Variants in NAT10 observed in about 807,000 individuals in gnomAD.
NAT10 encodes the protein RNA cytidine acetyltransferase.
In NAT10, 109 loss-of-function variants were observed where a neutral mutation model predicts 132.2. That is an observed-to-expected ratio of 0.82 (90% CI 0.71 to 0.97). NAT10 has a LOEUF of 0.97. Ranked by LOEUF, NAT10 falls within the 50% of genes least tolerant of loss-of-function variation. The probability of loss-of-function intolerance (pLI) is 0.00; values close to 1 mark genes in which losing one functional copy is unlikely to be tolerated. For missense variants in NAT10, 1,184 were observed against 1,263.4 expected, an observed-to-expected ratio of 0.94 and a Z score of 0.95; for synonymous variants, 479 against 478.0, an observed-to-expected ratio of 1.00 and a Z score of -0.03.
intron 3 of NAT10, among the ~76,000 whole-genome samples, chr11:34,109,308 C>T (rs1039421555): frequency 2.0e-5 from 3 of 152,172 alleles, no homozygotes; most frequent in Non-Finnish European, 4.4e-5. Context: ...AAACTTTCTC[C>T]TTCCTGTAAA....
intron 21 of NAT10, 179 bp from the exon 22 acceptor site, chr11:34,139,012 T>G: frequency 1.7e-6 from 1 of 585,898 alleles, no homozygotes; most frequent in Non-Finnish European, 3.1e-6. Context: ...TGAACTGAGG[T>G]GATATGAGGA....
chr11:34,145,202 ATTTG>A (rs1016348974), intron 28 of NAT10, among the ~76,000 whole-genome samples: 26 of 152,288 alleles, frequency 1.7e-4, no homozygotes, highest in African/African-American at 6.0e-4. Flanking sequence ...CTTTCCTGCC[ATTTG>A]TTTGGCCATT....
chr11:34,121,000 C>T (rs1220459578), intron 8 of NAT10, among the ~76,000 whole-genome samples: 1 of 152,098 alleles, frequency 6.6e-6, no homozygotes, highest in Non-Finnish European at 1.5e-5. Flanking sequence ...GGTGTCCCTC[C>T]GGTGTCCTAG....
At position 34,120,635 on chromosome 11, in the gene NAT10, C is replaced by T. The variant is rs534072744; in HGVS notation, c.781-1824C>T. On this transcript the variant is annotated intron_variant, in intron 8 of 28. Transcript: ENST00000257829. ...CTGGCATCTTGCTTTTACTTCTAGG[C>T]GCTCCTGTAGGCACTGGGGGCCCAG... is the stretch of plus-strand genomic sequence containing the variant. Among the ~76,000 whole-genome samples the T allele has an allele frequency of 2.3e-3, 348 of 152,330 alleles. 1 individual carries two copies. The highest frequency in any genetic ancestry group is 0.014 in the Middle Eastern group (4 of 294).
In NAT10 at chr11:34,140,401, C is replaced by T. The variant is rs73500465; in HGVS notation, c.2421C>T (p.Ala807=). The T allele has an allele frequency of 6.2e-7, 1 of 1,613,274 alleles. No individual in the cohort carries two copies. Among genetic ancestry groups the T allele is most frequent in the South Asian group, 1.1e-5 (1 of 91,050 alleles). ...TCTAGCTCTCTATCCCATGGACAGC[C>T]CTGAGCCGGGAGGAGCTGGAAGCAC... The part of the protein sequence containing the change: ...NRNMGKPAQP[A]LSREELEALF... Residue 807 remains alanine, a splice_region_variant and synonymous_variant, in exon 24 of 29, where the codon GCC becomes GCT. Transcript: ENST00000257829.
intron 21 of NAT10, chr11:34,138,825 G>T (rs1003898330): frequency 5.0e-6 from 1 of 198,474 alleles, no homozygotes; most frequent in Admixed American, 5.3e-5. Flanking sequence ...CATGTTGACT[G>T]GATTGTGTGG....
rs998705258 is a variant in NAT10, at chr11:34,120,942, C to T, written c.781-1517C>T. On this transcript the variant is annotated intron_variant, in intron 8 of 28. Coordinates refer to ENST00000257829, the MANE Select transcript of NAT10 (RefSeq NM_024662.3). Reference sequence around the variant, plus strand: ...AACAAGCCCTGTGGCTCTTGGGGAGCCACTGCTTCAGGCAGAGGAAGCAGC... The same window carrying T: ...AACAAGCCCTGTGGCTCTTGGGGAGTCACTGCTTCAGGCAGAGGAAGCAGC... Among the ~76,000 whole-genome samples, 21 of 152,094 alleles carry T rather than the reference C, an allele frequency of 1.4e-4. 1 individual carries two copies. The highest frequency in any genetic ancestry group is 6.5e-5 in the Admixed American group (1 of 15,274).
intron 8 of NAT10, 72 bp from the exon 9 acceptor site, chr11:34,122,387 A>T: frequency 6.3e-7 from 1 of 1,592,932 alleles, no homozygotes; most frequent in Non-Finnish European, 8.6e-7. Context: ...TCACTTCTCC[A>T]CAGTGATGGT....
chr11:34,132,085 G>A lies in NAT10; in HGVS notation c.1521-40G>A, dbSNP rs1228040267. ...CCAGAGAGTAGTATGACCTGTCTTC[G>A]GCTATTTGTTTTGTTTTGGTTTCTT... is the stretch of plus-strand genomic sequence containing the variant. On this transcript the variant is annotated intron_variant, in intron 14 of 28. Coordinates refer to ENST00000257829, the MANE Select transcript of NAT10 (RefSeq NM_024662.3). 4.1e-6 allele frequency: 6 copies of A among 1,460,710 alleles called. No homozygotes were observed. In the Admixed American group the frequency reaches 5.0e-5, roughly 12 times the overall value. The allele number at this position is 1,460,710 out of a possible 1,614,324, so 90.5% of individuals were successfully genotyped here. A position where few individuals can be genotyped will look rare whatever the true frequency, so the allele number is the denominator to read the frequency against.
At chr11:34,119,830 G>A (rs1299576072) in intron 8 of NAT10, among the ~76,000 whole-genome samples, 1 of 152,156 alleles carries the variant, frequency 6.6e-6, no homozygotes, top group Non-Finnish European at 1.5e-5. Flanking sequence ...GTGCTCTTAG[G>A]GGATTCTTAC....
In NAT10 at chr11:34,130,829, C is replaced by T. The variant is rs757454002; in HGVS notation, c.1261C>T (p.Arg421Trp). Residue 421 changes from arginine (R) to tryptophan (W), a missense_variant, in exon 13 of 29, where the codon CGG becomes TGG. By Grantham distance (101) the Arg-to-Trp change is moderately radical (BLOSUM62 -3). Transcript: ENST00000257829. ...TGTTTCTAGCTATGAGGGCACTGGC[C>T]GGTCACTGTCCCTCAAGCTAATTCA... ...STINGYEGTG[R>W]SLSLKLIQQL... 1.1e-5 allele frequency: 18 copies of T among 1,613,978 alleles called. No individual in the cohort carries two copies. The highest frequency in any genetic ancestry group is 4.5e-5 in the East Asian group (2 of 44,896).
At chr11:34,114,963 G>A (rs1304213830) in intron 5 of NAT10, among the ~76,000 whole-genome samples, 1 of 152,090 alleles carries the variant, frequency 6.6e-6, no homozygotes, top group African/African-American at 2.4e-5. Context: ...GACCAGCCTG[G>A]CCAACATGGT....
chr11:34,133,137 A>G lies in NAT10; in HGVS notation c.1729A>G (p.Ile577Val). The G allele has an allele frequency of 6.2e-7, 1 of 1,610,914 alleles. No individual in the cohort carries two copies. The highest frequency in any genetic ancestry group is 8.5e-7 in the Non-Finnish European group (1 of 1,177,102). The change falls in exon 16 of 29, where the codon ATC becomes GTC. Residue 577 changes from isoleucine to valine, a missense_variant. Transcript: ENST00000257829. ...TGCCCTTCCAGAAGTGCTTGCTGTT[A>G]TCCAGGTATAGGAGCAGAGGCGTCC... ...QNALPEVLAV[I>V]QVCLEGEISR...
At chr11:34,112,936 A>G (rs981062107) in intron 4 of NAT10, among the ~76,000 whole-genome samples, 1 of 152,262 alleles carries the variant, frequency 6.6e-6, no homozygotes, top group Non-Finnish European at 1.5e-5. Flanking sequence ...TGTGTTTATC[A>G]TATACACTTA....
chr11:34,118,307 T>C lies in NAT10; in HGVS notation c.672+13T>C, dbSNP rs1260440828. On this transcript the variant is annotated intron_variant, in intron 7 of 28. Coordinates refer to ENST00000257829, the MANE Select transcript of NAT10 (RefSeq NM_024662.3). ...TCCCCAGACTCCGGTGAGTCTGTGC[T>C]GGGGTCCAGGAATCTGGGGGAGGCT... The C allele has an allele frequency of 3.1e-6, 5 of 1,611,858 alleles. No homozygotes were observed. In the East Asian group the frequency reaches 6.7e-5, roughly 22 times the overall value.
intron 8 of NAT10, among the ~76,000 whole-genome samples, chr11:34,121,858 CAAAAAAAAAAAAA>C: frequency 2.7e-5 from 1 of 36,836 alleles, no homozygotes; most frequent in South Asian, 1.9e-3. Flanking sequence ...GACTCTGTCT[CAAAAAAAAAAAAA>C]AAAAAAAAAA....
intron 28 of NAT10, 37 bp downstream of exon 28, chr11:34,143,565 A>G (rs1319633664): frequency 6.3e-7 from 1 of 1,583,184 alleles, no homozygotes; most frequent in Non-Finnish European, 8.6e-7. Context: ...CTGGCGGAAG[A>G]GGCATTCTGG....
intron 1 of NAT10, among the ~76,000 whole-genome samples, chr11:34,106,671 G>A (rs1851599675): frequency 6.6e-6 from 1 of 152,186 alleles, no homozygotes; most frequent in South Asian, 2.1e-4. Context: ...GAAGAGCTCA[G>A]GCTTTGGAGT....
At chr11:34,128,754 A>G (rs542682212) in intron 12 of NAT10, among the ~76,000 whole-genome samples, 1 of 152,326 alleles carries the variant, frequency 6.6e-6, no homozygotes, top group Non-Finnish European at 1.5e-5. Flanking sequence ...GTATGTTCAC[A>G]GAGTTGTGCA....
Sources: gnomAD v4.1 joint callset for allele counts (sites outside exome capture counted in the v4.1 genomes callset) on GRCh38, gnomAD v4.1.1 for gene constraint, MANE v1.5 for transcripts, NCBI Gene and HGNC (gene_info 2026-07-23, HGNC 2026-07-21) for gene names.